DNAI4: variants seen among roughly 807,000 people sequenced by gnomAD.
DNAI4 encodes WD repeat domain 78.
DNAI4 carries 85 observed loss-of-function variants against 105.8 expected under a neutral mutation model. The observed-to-expected ratio is 0.80, with a 90% CI of 0.67 to 0.96. The LOEUF (loss-of-function observed/expected upper bound fraction) is 0.96, where lower values mean the gene tolerates loss of function less well. DNAI4 is among the 40% of genes least tolerant of loss of function. The pLI is 0.00. For missense variants in DNAI4, 1,014 were observed against 1,005.6 expected (o/e 1.01, Z -0.11); for synonymous variants, 352 against 331.5 (o/e 1.06, Z -0.67).
At chr1:66,835,278 A>C (rs1645960192) in intron 11 of DNAI4, among the ~76,000 whole-genome samples, 1 of 152,202 alleles carries the variant, frequency 6.6e-6, no homozygotes, top group Non-Finnish European at 1.5e-5. Context: ...AATAATTTTT[A>C]TATACAATGT....
intron 7 of DNAI4, among the ~76,000 whole-genome samples, chr1:66,848,516 T>C (rs1035912291): frequency 6.6e-6 from 1 of 152,232 alleles, no homozygotes; most frequent in Non-Finnish European, 1.5e-5. Context: ...ACTGCACTAC[T>C]TAGTAAACTC....
intron 13 of DNAI4, chr1:66,828,614 G>A (rs919165767): frequency 6.6e-6 from 1 of 151,934 alleles, no homozygotes; most frequent in Non-Finnish European, 1.5e-5. Context: ...AATACGTCTT[G>A]TTATTTTTCA....
intron 1 of DNAI4, among the ~76,000 whole-genome samples, chr1:66,910,551 C>A (rs372835894): frequency 8.5e-5 from 13 of 152,336 alleles, no homozygotes; most frequent in East Asian, 5.8e-4. Context: ...TGAAAAACTA[C>A]CCTCTCCCCA....
At chr1:66,921,136 A>G (rs1159332830) in intron 1 of DNAI4, 1 of 152,236 alleles carries the variant, frequency 6.6e-6, no homozygotes, top group Non-Finnish European at 1.5e-5. Context: ...GAAAAAATGG[A>G]TAACATTCAA....
At chr1:66,815,150 C>A (rs140746646) in intron 16 of DNAI4, among the ~76,000 whole-genome samples, 1 of 152,202 alleles carries the variant, frequency 6.6e-6, no homozygotes, top group African/African-American at 2.4e-5. Flanking sequence ...GCCATGCACA[C>A]CAAATCAGTT....
intron 10 of DNAI4, among the ~76,000 whole-genome samples, chr1:66,836,182 AAGAAAGAAAGAAAGAAAGAAAGAAAGAG>A (rs1557908025): frequency 2.4e-4 from 15 of 62,614 alleles, no homozygotes; most frequent in East Asian, 9.6e-4. Context: ...GAAAGAAAGA[AAGAAAGAAAGAAAGAAAGAAAGAAAGAG>A]AGAGAGAGAG....
At chr1:66,815,127 C>G (rs111227557) in intron 16 of DNAI4, among the ~76,000 whole-genome samples, 11 of 152,276 alleles carry the variant, frequency 7.2e-5, no homozygotes, top group African/African-American at 2.6e-4. Flanking sequence ...TTTGGCACTT[C>G]CCCATCATTC....
At chr1:66,918,996 C>G (rs931824062) in intron 1 of DNAI4, 7 of 357,368 alleles carry the variant, frequency 2.0e-5, no homozygotes, top group Admixed American at 8.6e-5. Flanking sequence ...CAAAAGAATG[C>G]AACCATTTGT....
At chr1:66,909,114 C>A (rs1649467649) in intron 1 of DNAI4, among the ~76,000 whole-genome samples, 2 of 152,128 alleles carry the variant, frequency 1.3e-5, no homozygotes, top group South Asian at 4.1e-4. Flanking sequence ...TTTTCTCTCT[C>A]TATTGGATAA....
intron 8 of DNAI4, among the ~76,000 whole-genome samples, chr1:66,843,063 G>A (rs1646186342): frequency 6.6e-6 from 1 of 151,876 alleles, no homozygotes; most frequent in Non-Finnish European, 1.5e-5. Flanking sequence ...AGCTGGGTGT[G>A]GTGGTGCACG....
chr1:66,834,217 G>A, intron 11 of DNAI4, 69 bp from the exon 12 acceptor site: 2 of 1,257,648 alleles, frequency 1.6e-6, no homozygotes, highest in Non-Finnish European at 1.1e-6. Flanking sequence ...TGGAGTATAA[G>A]TGATAAGGTC....
rs756130029 is a variant in DNAI4, at chr1:66,827,867, T to C, written c.2057A>G (p.His686Arg). 1 of 1,608,680 alleles carries C rather than the reference T, an allele frequency of 6.2e-7. No homozygotes were observed. The highest frequency in any genetic ancestry group is 1.1e-5 in the South Asian group (1 of 90,034). Residue 686 changes from histidine (H) to arginine (R), a missense_variant, in exon 14 of 17, where the codon CAC becomes CGC. Coordinates refer to ENST00000371026, the MANE Select transcript of DNAI4 (RefSeq NM_024763.5). ...YLAGTEEGHIHKCSCSYNEQY... is the reference protein window; with the variant it reads ...YLAGTEEGHIRKCSCSYNEQY... ...TTCATTATATGAACAAGAACATTTG[T>C]GAATATGACCTTCTTCAGTGCCAGC... is the stretch of plus-strand genomic sequence containing the variant.
rs71058479 is a variant in DNAI4, at chr1:66,892,950, GAAGAAAGAAAGA to G, written c.530+267_530+278del. Reference sequence around the variant, plus strand: ...AGAAAGAGAAGAAAGAGAAGAAAGAGAAGAAAGAAAGAAAGAAAGAAAGAAAGAAAGAAAGAA... The same window carrying G: ...AGAAAGAGAAGAAAGAGAAGAAAGAGAAGAAAGAAAGAAAGAAAGAAAGAA... On this transcript the variant is annotated intron_variant, in intron 3 of 16. Transcript: ENST00000371026. Among the ~76,000 whole-genome samples, 443 of 91,966 alleles carry G rather than the reference GAAGAAAGAAAGA, an allele frequency of 4.8e-3. 12 individuals carry two copies. The highest frequency in any genetic ancestry group is 0.019 in the Admixed American group (155 of 8,156). 60.3% of individuals were successfully genotyped at this position (91,966 alleles called of 152,430 possible). A position where few individuals can be genotyped will look rare whatever the true frequency, so the allele number is the denominator to read the frequency against.
intron 16 of DNAI4, among the ~76,000 whole-genome samples, chr1:66,821,614 G>A (rs1174609582): frequency 1.3e-5 from 2 of 152,060 alleles, no homozygotes; most frequent in African/African-American, 4.8e-5. Context: ...TAAATTATTA[G>A]TGAGGTTGGA....
At chr1:66,816,579 T>C (rs947958513) in intron 16 of DNAI4, among the ~76,000 whole-genome samples, 3 of 152,146 alleles carry the variant, frequency 2.0e-5, no homozygotes, top group African/African-American at 7.2e-5. Flanking sequence ...TTTTTTGTTG[T>C]TGTTTAATCT....
intron 1 of DNAI4, among the ~76,000 whole-genome samples, chr1:66,907,848 A>G (rs918228386): frequency 4.6e-5 from 7 of 152,176 alleles, no homozygotes; most frequent in African/African-American, 1.7e-4. Flanking sequence ...TAGAAGGTCA[A>G]TCAGCATTTC....
rs1384419707 is a variant in DNAI4, at chr1:66,859,026, T to C, written c.1096+3121A>G. ...ATTTAAATTAAAAATGTATCATCTATGAAAAACCCTGCTAATAAAAATGAA... is the reference window on the plus strand; with the variant it reads ...ATTTAAATTAAAAATGTATCATCTACGAAAAACCCTGCTAATAAAAATGAA... On this transcript the variant is annotated intron_variant, in intron 7 of 16. Coordinates refer to ENST00000371026, the MANE Select transcript of DNAI4 (RefSeq NM_024763.5). 6.5e-4 allele frequency among the ~76,000 whole-genome samples: 99 copies of C among 152,062 alleles called. 1 individual carries two copies. The highest frequency in any genetic ancestry group is 5.3e-4 in the Non-Finnish European group (36 of 68,010).
intron 6 of DNAI4, 125 bp downstream of exon 6, chr1:66,871,245 G>T (rs540194155): frequency 1.3e-6 from 1 of 754,018 alleles, no homozygotes; most frequent in Non-Finnish European, 2.0e-6. Flanking sequence ...TCCAACTACT[G>T]TTGTGGTTTG....
chr1:66,839,066 C>T (rs550630271), intron 9 of DNAI4, among the ~76,000 whole-genome samples: 1 of 152,254 alleles, frequency 6.6e-6, no homozygotes, highest in East Asian at 1.9e-4. Context: ...CATAGCAATG[C>T]ATTAATTTTT....
Sources: gnomAD v4.1 joint callset for allele counts (sites outside exome capture counted in the v4.1 genomes callset) on GRCh38, gnomAD v4.1.1 for gene constraint, MANE v1.5 for transcripts, NCBI Gene and HGNC (gene_info 2026-07-23, HGNC 2026-07-21) for gene names.